SOX5: variants seen among roughly 807,000 people sequenced by gnomAD.
The protein encoded by SOX5 is SRY-box transcription factor 5.
SOX5 carries 9 observed loss-of-function variants against 92.0 expected under a neutral mutation model. That is an observed-to-expected ratio of 0.10 (90% CI 0.06 to 0.17). The LOEUF (loss-of-function observed/expected upper bound fraction) is 0.17, where lower values mean the gene tolerates loss of function less well. SOX5 is among the 10% of genes least tolerant of loss of function. The pLI is 1.00. For synonymous variants in SOX5, 344 were observed against 336.3 expected, an observed-to-expected ratio of 1.02 and a Z score of -0.25; for missense variants, 642 against 944.5, an observed-to-expected ratio of 0.68 and a Z score of 4.20.
chr12:23,949,114 G>T (rs1230749886), intron 1 of SOX5, among the ~76,000 whole-genome samples: 1 of 152,106 alleles, frequency 6.6e-6, no homozygotes, highest in Non-Finnish European at 1.5e-5. Flanking sequence ...GATCAAATAG[G>T]AACTTATAGC....
At chr12:23,919,740 A>G (rs540619566) in intron 1 of SOX5, among the ~76,000 whole-genome samples, 2 of 152,188 alleles carry the variant, frequency 1.3e-5, no homozygotes, top group Non-Finnish European at 2.9e-5. Context: ...TTCGACCCTG[A>G]GCCTTTCACC....
chr12:24,562,436 G>T (rs1954468128), exon 1 of SOX5: 1 of 152,380 alleles, frequency 6.6e-6, no homozygotes, highest in Admixed American at 6.5e-5. Context: ...TTGGTGGCTC[G>T]CCTTTTTCAC....
intron 4 of SOX5, among the ~76,000 whole-genome samples, chr12:24,061,980 TGA>T (rs1237098302): frequency 6.6e-6 from 1 of 152,004 alleles, no homozygotes; most frequent in African/African-American, 2.4e-5. Flanking sequence ...TATAGCCATT[TGA>T]GAGAGGAAAA....
At chr12:24,263,527 C>CGAA (rs1942508517) in intron 3 of SOX5, among the ~76,000 whole-genome samples, 1 of 63,238 alleles carries the variant, frequency 1.6e-5, no homozygotes, top group Non-Finnish European at 2.8e-5. Context: ...GACTCCGTCT[C>CGAA]AAAAAAAAAA....
intron 4 of SOX5, among the ~76,000 whole-genome samples, chr12:24,066,792 G>T (rs1301581891): frequency 6.6e-6 from 1 of 152,168 alleles, no homozygotes; most frequent in Non-Finnish European, 1.5e-5. Flanking sequence ...TAAGCAATGG[G>T]GGAAAAGGTG....
intron 4 of SOX5, among the ~76,000 whole-genome samples, chr12:23,997,962 G>T (rs1951194649): frequency 1.3e-5 from 2 of 152,062 alleles, no homozygotes; most frequent in African/African-American, 4.8e-5. Flanking sequence ...CTATGGTGGG[G>T]GGGTGCAAGG....
chr12:23,946,657 G>A (rs776551900), intron 1 of SOX5, among the ~76,000 whole-genome samples: 24 of 151,780 alleles, frequency 1.6e-4, no homozygotes, highest in Non-Finnish European at 2.8e-4. Context: ...GACTTCGGGC[G>A]TTCATTCTAA....
intron 4 of SOX5, among the ~76,000 whole-genome samples, chr12:24,110,060 A>G (rs528402871): frequency 1.3e-5 from 2 of 152,282 alleles, no homozygotes; most frequent in African/African-American, 4.8e-5. Context: ...ACACTTTAAA[A>G]AACAACTTAC....
At chr12:23,571,762 C>T (rs1948415792) in intron 10 of SOX5, among the ~76,000 whole-genome samples, 1 of 152,042 alleles carries the variant, frequency 6.6e-6, no homozygotes, top group South Asian at 2.1e-4. Flanking sequence ...TACGCTCTGA[C>T]AAAAAATTAC....
intron 1 of SOX5, chr12:24,562,214 C>T (rs1027702602): frequency 3.9e-5 from 6 of 152,538 alleles, no homozygotes; most frequent in South Asian, 2.1e-4. Flanking sequence ...CAGCTGGAGC[C>T]GGGAAGGAGT....
intron 1 of SOX5, among the ~76,000 whole-genome samples, chr12:24,413,441 T>C (rs923597397): frequency 6.6e-6 from 1 of 152,210 alleles, no homozygotes; most frequent in African/African-American, 2.4e-5. Flanking sequence ...GCCCACATTG[T>C]TACACAAGGC....
At chr12:24,521,660 G>T (rs549827430) in intron 1 of SOX5, among the ~76,000 whole-genome samples, 18 of 152,244 alleles carry the variant, frequency 1.2e-4, no homozygotes, top group African/African-American at 4.3e-4. Flanking sequence ...GCAAGAAAAT[G>T]AGAAAATTCA....
chr12:23,589,075 T>G (rs1430097199), intron 9 of SOX5, among the ~76,000 whole-genome samples: 2 of 151,662 alleles, frequency 1.3e-5, no homozygotes, highest in African/African-American at 4.8e-5. Context: ...ATAGGACATA[T>G]CCCCATCATT....
At chr12:24,550,917 A>G (rs1057277921) in intron 1 of SOX5, among the ~76,000 whole-genome samples, 6 of 151,954 alleles carry the variant, frequency 3.9e-5, no homozygotes, top group Non-Finnish European at 8.8e-5. Flanking sequence ...TTCTACTAAA[A>G]CTCTGGTTAG....
chr12:24,058,793 G>A (rs1307562720), intron 4 of SOX5, among the ~76,000 whole-genome samples: 1 of 131,088 alleles, frequency 7.6e-6, no homozygotes, highest in East Asian at 2.2e-4. Context: ...CTGTTAGTAA[G>A]TATATAAATA....
chr12:24,052,270 T>C (rs2137139471), intron 4 of SOX5, among the ~76,000 whole-genome samples: 1 of 152,276 alleles, frequency 6.6e-6, no homozygotes. Flanking sequence ...GTAAATGAAA[T>C]ACTGCATTAA....
intron 4 of SOX5, among the ~76,000 whole-genome samples, chr12:24,147,445 C>T (rs368592675): frequency 5.3e-5 from 8 of 152,098 alleles, no homozygotes; most frequent in Non-Finnish European, 1.0e-4. Flanking sequence ...ATGAAGAACA[C>T]CTACAAAAAA....
intron 3 of SOX5, among the ~76,000 whole-genome samples, chr12:23,825,105 C>G (rs2096204605): frequency 6.6e-6 from 1 of 152,060 alleles, no homozygotes; most frequent in South Asian, 2.1e-4. Context: ...GTGAACGGTT[C>G]TGTCTCTCTG....
chr12:24,337,491 C>T (rs1952045272), intron 2 of SOX5, among the ~76,000 whole-genome samples: 1 of 152,004 alleles, frequency 6.6e-6, no homozygotes, highest in African/African-American at 2.4e-5. Context: ...CAGGTGTGTG[C>T]CACCATGCCC....
Sources: gnomAD v4.1 joint callset for allele counts (sites outside exome capture counted in the v4.1 genomes callset) on GRCh38, gnomAD v4.1.1 for gene constraint, MANE v1.5 for transcripts, NCBI Gene and HGNC (gene_info 2026-07-23, HGNC 2026-07-21) for gene names.